The following ARFGEF3 variants were observed in gnomAD, a reference collection of about 807,000 sequenced individuals.
ARFGEF3 encodes the protein brefeldin A-inhibited guanine nucleotide-exchange protein 3.
In ARFGEF3, 96 loss-of-function variants were observed where a neutral mutation model predicts 221.7. The ratio of observed to expected loss-of-function variants is 0.43; its 90% CI spans 0.37 to 0.51. ARFGEF3 has a LOEUF of 0.51. Ranked by LOEUF, ARFGEF3 falls within the 20% of genes least tolerant of loss-of-function variation. The pLI, the probability that ARFGEF3 is intolerant of heterozygous loss-of-function variation, is 0.00. For synonymous variants in ARFGEF3, 1,145 were observed against 1,126.8 expected (o/e 1.02, Z -0.32); for missense variants, 2,410 against 2,789.9 (o/e 0.86, Z 3.07).
intron 20 of ARFGEF3, among the ~76,000 whole-genome samples, chr6:138,296,133 A>G (rs2114643461): frequency 6.6e-6 from 1 of 152,262 alleles, no homozygotes; most frequent in East Asian, 1.9e-4. Context: ...CCTCTTGGCA[A>G]AGAAGTAGCC....
intron 27 of ARFGEF3, among the ~76,000 whole-genome samples, chr6:138,318,884 T>A (rs891993640): frequency 6.6e-6 from 1 of 152,222 alleles, no homozygotes; most frequent in African/African-American, 2.4e-5. Context: ...AGTAAACTGC[T>A]GTACGTAAAT....
At chr6:138,177,917 C>T (rs1004913390) in intron 2 of ARFGEF3, among the ~76,000 whole-genome samples, 5 of 151,910 alleles carry the variant, frequency 3.3e-5, no homozygotes, top group East Asian at 1.9e-4. Context: ...TCTCATTGAG[C>T]GTGTTTAAAA....
At chr6:138,200,192 G>A (rs1165518656) in intron 2 of ARFGEF3, among the ~76,000 whole-genome samples, 2 of 152,062 alleles carry the variant, frequency 1.3e-5, no homozygotes, top group African/African-American at 4.8e-5. Flanking sequence ...TGATTTGCAT[G>A]TGTTAAATCA....
chr6:138,165,366 C>A lies in ARFGEF3; in HGVS notation c.85+3195C>A, dbSNP rs1324220176. ...AGACAGGGATCATCCCCCTCTGAGA[C>A]CCTCATAGGAGCAAGGGGTCATCCC... On this transcript the variant is annotated intron_variant, in intron 1 of 33. Coordinates refer to ENST00000251691, the MANE Select transcript of ARFGEF3 (RefSeq NM_020340.5). Among the ~76,000 whole-genome samples, 3 of 151,030 alleles carry A rather than the reference C, an allele frequency of 2.0e-5. No homozygotes were observed. In the South Asian group the frequency reaches 6.3e-4, roughly 32 times the overall value.
At chr6:138,229,726 A>C (rs1778154354) in intron 4 of ARFGEF3, 58 bp from the exon 5 acceptor site, 4 of 1,328,756 alleles carry the variant, frequency 3.0e-6, no homozygotes, top group Non-Finnish European at 4.3e-6. Flanking sequence ...ATGAAACAAC[A>C]GTGAATTTCC....
intron 2 of ARFGEF3, among the ~76,000 whole-genome samples, chr6:138,190,838 C>T (rs1290652681): frequency 1.3e-5 from 2 of 152,166 alleles, no homozygotes; most frequent in Non-Finnish European, 2.9e-5. Flanking sequence ...GATGCTGGTG[C>T]TTGTTTCCAT....
rs745750893 is a variant in ARFGEF3, at chr6:138,336,331, A to T, written c.6379A>T (p.Ile2127Phe). 1 of 1,605,390 alleles carries T rather than the reference A, an allele frequency of 6.2e-7. No homozygotes were observed. The highest frequency in any genetic ancestry group is 1.7e-5 in the Admixed American group (1 of 58,654). ...TNMVLTVLNQIQILPDQTFTA... is the reference protein window; with the variant it reads ...TNMVLTVLNQFQILPDQTFTA... Reference sequence around the variant, plus strand: ...CATGGTGCTAACAGTTCTCAATCAGATTCAGATTCTCCCAGACCAGACCTT... The same window carrying T: ...CATGGTGCTAACAGTTCTCAATCAGTTTCAGATTCTCCCAGACCAGACCTT... Residue 2127 changes from isoleucine to phenylalanine, a missense_variant, in exon 34 of 34, where the codon ATT becomes TTT. Physicochemically the swap from Ile to Phe is conservative, Grantham distance 21. Coordinates refer to ENST00000251691, the MANE Select transcript of ARFGEF3 (RefSeq NM_020340.5).
intron 5 of ARFGEF3, among the ~76,000 whole-genome samples, chr6:138,233,463 G>A (rs1183248360): frequency 1.3e-5 from 2 of 152,040 alleles, no homozygotes; most frequent in African/African-American, 4.8e-5. Context: ...TGCAACCTAC[G>A]CCTCCTGGGT....
At position 138,162,707 on chromosome 6, in the gene ARFGEF3, G is replaced by C. The variant is rs1776643309; in HGVS notation, c.85+536G>C. 6.6e-6 allele frequency among the ~76,000 whole-genome samples: 1 copy of C among 152,194 alleles called. No individual in the cohort carries two copies. The highest frequency in any genetic ancestry group is 1.5e-5 in the Non-Finnish European group (1 of 68,030). Reference sequence around the variant, plus strand: ...GGGATCATGTTACCTCTGCAATTCTGTTGTGGTCTGCCCTTCAGACAGGTG... The same window carrying C: ...GGGATCATGTTACCTCTGCAATTCTCTTGTGGTCTGCCCTTCAGACAGGTG... On this transcript the variant is annotated intron_variant, in intron 1 of 33. Transcript: ENST00000251691. The surrounding 1 kb of genome is among the most constrained non-coding windows in gnomAD (Gnocchi z 4.7).
chr6:138,254,262 CAA>C (rs1204807892), intron 9 of ARFGEF3, among the ~76,000 whole-genome samples: 1 of 151,582 alleles, frequency 6.6e-6, no homozygotes, highest in African/African-American at 2.4e-5. Flanking sequence ...CCTAAAAATA[CAA>C]AAATAGCTGG....
intron 5 of ARFGEF3, among the ~76,000 whole-genome samples, chr6:138,235,932 A>C (rs1258960509): frequency 2.0e-5 from 3 of 152,222 alleles, no homozygotes; most frequent in Non-Finnish European, 4.4e-5. Context: ...TCCCTGAATA[A>C]AATGCTTACT....
Position 138,207,088 on chromosome 6 carries a change from G to A in ARFGEF3, c.184G>A (p.Val62Met), listed in dbSNP as rs763547125. 3.7e-6 allele frequency: 6 copies of A among 1,611,632 alleles called. No individual in the cohort carries two copies. Among genetic ancestry groups the A allele is most frequent in the Non-Finnish European group, 4.2e-6 (5 of 1,179,050 alleles). Residue 62 changes from valine (V) to methionine (M), a missense_variant, in exon 3 of 34, where the codon GTG becomes ATG. This residue lies in a region of ARFGEF3 where 570 missense variants were observed against 586.9 expected (regional missense o/e 0.97). Coordinates refer to ENST00000251691, the MANE Select transcript of ARFGEF3 (RefSeq NM_020340.5). Reference sequence around the variant, plus strand: ...CCAGTTGGCTTTGGAATCCAAGAATGTGAAGCTGGCCCAACATGCTTTGGC... The same window carrying A: ...CCAGTTGGCTTTGGAATCCAAGAATATGAAGCTGGCCCAACATGCTTTGGC... ...PLQLALESKN[V>M]KLAQHALAGM...
rs746222960 is a variant in ARFGEF3, at chr6:138,321,169, C to T, written c.4710C>T (p.Val1570=). 5.7e-5 allele frequency: 89 copies of T among 1,564,536 alleles called. No homozygotes were observed. The highest frequency in any genetic ancestry group is 6.5e-5 in the Non-Finnish European group (75 of 1,153,172). The part of the protein sequence containing the change: ...TMLKDLFELL[V]ACVAKPTETI... ...TGAAGGACCTCTTTGAGTTGCTGGT[C>T]GCCTGTGTGGCCAAGCCCACTGAAA... The change falls in exon 29 of 34, where the codon GTC becomes GTT. Residue 1570 remains valine, a synonymous_variant. Transcript: ENST00000251691.
chr6:138,252,568 C>T (rs1448861191), intron 8 of ARFGEF3, among the ~76,000 whole-genome samples: 1 of 152,140 alleles, frequency 6.6e-6, no homozygotes, highest in African/African-American at 2.4e-5. Flanking sequence ...TACTTCCTTC[C>T]TATCTCTTCA....
chr6:138,174,190 A>G (rs537814314), intron 2 of ARFGEF3, among the ~76,000 whole-genome samples: 4 of 152,298 alleles, frequency 2.6e-5, no homozygotes, highest in South Asian at 4.1e-4. Flanking sequence ...GTGATTCACA[A>G]TAGTGGGGAA....
At chr6:138,258,236 C>T (rs1029755457) in intron 10 of ARFGEF3, among the ~76,000 whole-genome samples, 18 of 152,194 alleles carry the variant, frequency 1.2e-4, no homozygotes, top group African/African-American at 3.9e-4. Context: ...CCCACCTCCC[C>T]GCCTCTTCAG....
intron 6 of ARFGEF3, among the ~76,000 whole-genome samples, chr6:138,240,318 A>G (rs563271670): frequency 5.3e-5 from 8 of 152,188 alleles, no homozygotes; most frequent in Non-Finnish European, 1.0e-4. Context: ...ATGATCAAAC[A>G]CTATATTAAT....
At chr6:138,278,738 T>G in intron 13 of ARFGEF3, 121 bp downstream of exon 13, 1 of 1,035,984 alleles carries the variant, frequency 9.7e-7, no homozygotes, top group Non-Finnish European at 1.4e-6. Context: ...TGCTCTAGGT[T>G]GGTAATGCCA....
intron 24 of ARFGEF3, among the ~76,000 whole-genome samples, chr6:138,309,967 C>T (rs1312931513): frequency 6.6e-6 from 1 of 152,222 alleles, no homozygotes; most frequent in Admixed American, 6.5e-5. Context: ...AAATCATGCT[C>T]TATCAGTGAT....
Sources: allele counts gnomAD v4.1 joint callset (sites outside exome capture counted in the v4.1 genomes callset), GRCh38; gene constraint gnomAD v4.1.1; regional missense constraint gnomAD v4.1.1; non-coding constraint Gnocchi (gnomAD v3.1); transcripts MANE v1.5; gene names NCBI Gene and HGNC (gene_info 2026-07-23, HGNC 2026-07-21).